The following NUDT4 variants were observed in gnomAD, a reference collection of about 807,000 sequenced individuals.
NUDT4 encodes nudix hydrolase 4, also known as diphosphoinositol polyphosphate phosphohydrolase 2.
Under a neutral mutation model 23.1 loss-of-function variants are expected in NUDT4, and 5 were observed. That is an observed-to-expected ratio of 0.22 (90% confidence interval 0.11 to 0.46). The LOEUF (loss-of-function observed/expected upper bound fraction) is 0.46, where lower values mean the gene tolerates loss of function less well. NUDT4 is among the 20% of genes least tolerant of loss of function. The pLI is 0.99. For missense variants in NUDT4, 96 were observed against 211.6 expected (o/e 0.45, Z 3.39); for synonymous variants, 50 against 79.0 (o/e 0.63, Z 1.95).
rs563396621 is a variant in NUDT4 at position 93,380,053 on chromosome 12, C to T, written c.99+1632C>T. Among the ~76,000 whole-genome samples the T allele has an allele frequency of 3.9e-5, 6 of 152,300 alleles. No homozygotes were observed. The South Asian group carries it at 1.2e-3, about 32-fold the overall frequency. ...CATTTTATAGGTGAGGAGACAGTTG[C>T]AGAGCATAAGTACCTTCCCAAATGA... On this transcript the variant is annotated intron_variant, in intron 1 of 4. Coordinates refer to ENST00000415493, the MANE Select transcript of NUDT4 (RefSeq NM_019094.6).
rs894909517 is a variant in NUDT4 at position 93,407,580 on chromosome 12, T to C, written c.*8201T>C. The C allele has an allele frequency of 6.6e-6, 1 of 152,186 alleles. No individual in the cohort carries two copies. Among genetic ancestry groups the C allele is most frequent in the African/African-American group, 2.4e-5 (1 of 41,438 alleles). 9.4% of individuals were successfully genotyped at this position (152,186 alleles called of 1,614,324 possible). On this transcript the variant is annotated 3_prime_UTR_variant, in exon 5 of 5. Coordinates refer to ENST00000415493, the MANE Select transcript of NUDT4 (RefSeq NM_019094.6). Reference sequence around the variant, plus strand: ...TAGGGTGTCTGCTACTCAGATCCTCTCAGTTAAGTCCCGTGCACAAAGGTG... The same window carrying C: ...TAGGGTGTCTGCTACTCAGATCCTCCCAGTTAAGTCCCGTGCACAAAGGTG...
At chr12:93,395,636 G>T in intron 3 of NUDT4, 103 bp downstream of exon 3, 4 of 911,324 alleles carry the variant, frequency 4.4e-6, no homozygotes, top group Non-Finnish European at 7.3e-6. Context: ...ATTTCTCTCA[G>T]ACTAGCAGTA....
chr12:93,395,620 C>T (rs554846117), intron 3 of NUDT4, 87 bp downstream of exon 3: 2 of 1,049,838 alleles, frequency 1.9e-6, no homozygotes, highest in East Asian at 4.8e-5. Context: ...GCAGCCTGAA[C>T]CAGACATTTC....
rs1419479814 is a variant in NUDT4 at position 93,406,252 on chromosome 12, AGCTAGAAAGTG to A, written c.*6880_*6890del. 7.4e-6 allele frequency: 1 copy of A among 135,200 alleles called. No homozygotes were observed. The highest frequency in any genetic ancestry group is 1.6e-5 in the Non-Finnish European group (1 of 64,320). The allele number at this position is 135,200 out of a possible 1,614,324, so 8.4% of individuals were successfully genotyped here. ...CACAGCACTCCAGCCTAAACTACAG[AGCTAGAAAGTG>A]GCTAGAGCAGCCAAAAAAAAAAAAA... On this transcript the variant is annotated 3_prime_UTR_variant, in exon 5 of 5. Transcript: ENST00000415493.
intron 1 of NUDT4, among the ~76,000 whole-genome samples, chr12:93,391,813 T>C (rs907116535): frequency 6.6e-6 from 1 of 152,200 alleles, no homozygotes; most frequent in Non-Finnish European, 1.5e-5. Context: ...GGGAGAACTG[T>C]TTAAATTTAC....
intron 1 of NUDT4, among the ~76,000 whole-genome samples, chr12:93,385,968 T>TATAC (rs1555193198): frequency 6.0e-5 from 8 of 133,616 alleles, no homozygotes; most frequent in African/African-American, 2.3e-4. Context: ...TATATATATA[T>TATAC]ATACATAATT....
intron 1 of NUDT4, among the ~76,000 whole-genome samples, chr12:93,392,247 C>A (rs12809913): frequency 3.7e-5 from 5 of 136,040 alleles, no homozygotes; most frequent in African/African-American, 8.0e-5. Context: ...TTTGTTTCCC[C>A]CCCCCCCTTT....
intron 1 of NUDT4, among the ~76,000 whole-genome samples, chr12:93,380,654 A>C (rs1875596310): frequency 6.6e-6 from 1 of 152,206 alleles, no homozygotes; most frequent in Non-Finnish European, 1.5e-5. Context: ...AGCTCTTCAG[A>C]ATTTTCATTT....
intron 1 of NUDT4, among the ~76,000 whole-genome samples, chr12:93,386,081 T>C (rs1876071006): frequency 6.6e-6 from 1 of 151,336 alleles, no homozygotes; most frequent in Admixed American, 6.6e-5. Flanking sequence ...GCTCAGATGA[T>C]TCTCCCACCT....
rs1374571099 is a variant in NUDT4, at chr12:93,400,371, T to C, written c.*992T>C. The C allele has an allele frequency of 1.3e-5, 2 of 152,136 alleles. No homozygotes were observed. The highest frequency in any genetic ancestry group is 4.8e-5 in the African/African-American group (2 of 41,476). 9.4% of individuals were successfully genotyped at this position (152,136 alleles called of 1,614,324 possible). A position where few individuals can be genotyped will look rare whatever the true frequency, so the allele number is the denominator to read the frequency against. ...TCAGCTGTTAGAGACTGAAGATTGT[T>C]AGGGCACCTTAGAATGTCTCATCTT... is the stretch of plus-strand genomic sequence containing the variant. On this transcript the variant is annotated 3_prime_UTR_variant, in exon 5 of 5. Coordinates refer to ENST00000415493, the MANE Select transcript of NUDT4 (RefSeq NM_019094.6).
chr12:93,390,555 TTTTCTAATTTTCTA>T (rs1343464080), intron 1 of NUDT4, among the ~76,000 whole-genome samples: 1 of 151,916 alleles, frequency 6.6e-6, no homozygotes, highest in Non-Finnish European at 1.5e-5. Flanking sequence ...TTAATTTTCT[TTTTCTAATTTTCTA>T]TAAAGTCTCA....
At chr12:93,394,831 C>G in intron 2 of NUDT4, 112 bp downstream of exon 2, 2 of 605,296 alleles carry the variant, frequency 3.3e-6, no homozygotes, top group Non-Finnish European at 3.0e-6. Context: ...CCTGATGCAA[C>G]TTTATTTTTA....
At chr12:93,392,174 C>T (rs1385113388) in intron 1 of NUDT4, among the ~76,000 whole-genome samples, 2 of 151,558 alleles carry the variant, frequency 1.3e-5, no homozygotes, top group East Asian at 3.9e-4. Context: ...TGAGCCACCA[C>T]GCTCACCTTG....
rs1443317044 is a variant in NUDT4 at position 93,378,345 on chromosome 12, A to G, written c.23A>G (p.Gln8Arg). ...TCTATGATGAAGTTCAAGCCCAACC[A>G]GACGCGGACCTACGACCGCGAGGGC... MMKFKPN[Q>R]TRTYDREGFK... is the part of the protein sequence containing the mutation. The change falls in exon 1 of 5, where the codon CAG becomes CGG. Residue 8 changes from glutamine to arginine, a missense_variant. Physicochemically the swap from Gln to Arg is conservative, Grantham distance 43 (BLOSUM62 1). Coordinates refer to ENST00000415493, the MANE Select transcript of NUDT4 (RefSeq NM_019094.6). 1 of 1,504,320 alleles carries G rather than the reference A, an allele frequency of 6.6e-7. No homozygotes were observed. The highest frequency in any genetic ancestry group is 9.0e-7 in the Non-Finnish European group (1 of 1,113,508). The allele number at this position is 1,504,320 out of a possible 1,614,324, so 93.2% of individuals were successfully genotyped here.
chr12:93,379,249 G>A (rs1354350638), intron 1 of NUDT4, among the ~76,000 whole-genome samples: 1 of 152,174 alleles, frequency 6.6e-6, no homozygotes, highest in African/African-American at 2.4e-5. Flanking sequence ...AGACCCTTGG[G>A]GTTTCCCTGG....
intron 1 of NUDT4, among the ~76,000 whole-genome samples, chr12:93,391,900 T>C (rs1030477510): frequency 4.6e-5 from 7 of 152,162 alleles, no homozygotes; most frequent in African/African-American, 1.7e-4. Context: ...TTTTATTTTT[T>C]TGAGACAGAG....
intron 1 of NUDT4, among the ~76,000 whole-genome samples, chr12:93,385,917 TA>T: frequency 3.5e-5 from 2 of 56,418 alleles, no homozygotes; most frequent in East Asian, 6.9e-4. Flanking sequence ...ATAGATTTTA[TA>T]TATATATATA....
chr12:93,394,562 G>T (rs757952204), intron 1 of NUDT4, 47 bp from the exon 2 acceptor site: 2 of 1,038,292 alleles, frequency 1.9e-6, no homozygotes, highest in Admixed American at 2.0e-5. Flanking sequence ...GTTTATATAC[G>T]AAGTGCTTCT....
At chr12:93,378,869 G>T (rs1315264257) in intron 1 of NUDT4, 1 of 813,910 alleles carries the variant, frequency 1.2e-6, no homozygotes, top group Non-Finnish European at 1.5e-6. Context: ...TCTCGGATTC[G>T]ATCTAAGCAT....
Sources: allele counts gnomAD v4.1 joint callset (sites outside exome capture counted in the v4.1 genomes callset), GRCh38; gene constraint gnomAD v4.1.1; transcripts MANE v1.5; gene names NCBI Gene and HGNC (gene_info 2026-07-23, HGNC 2026-07-21).